The following PARP8 variants were observed in gnomAD, a reference collection of about 807,000 sequenced individuals.
PARP8 encodes poly(ADP-ribose) polymerase family member 8.
PARP8 carries 51 observed loss-of-function variants against 124.1 expected under a neutral mutation model. That is an observed-to-expected ratio of 0.41 (90% CI 0.33 to 0.52). The LOEUF (loss-of-function observed/expected upper bound fraction) is 0.52, where lower values mean the gene tolerates loss of function less well. Ranked by LOEUF, PARP8 falls within the 20% of genes least tolerant of loss-of-function variation. The pLI is 0.21. For missense variants in PARP8, 860 were observed against 1,018.9 expected (o/e 0.84, Z 2.12); for synonymous variants, 391 against 361.5 (o/e 1.08, Z -0.93).
intron 9 of PARP8, among the ~76,000 whole-genome samples, chr5:50,784,090 T>C (rs1411033437): frequency 6.6e-6 from 1 of 152,182 alleles, no homozygotes; most frequent in Non-Finnish European, 1.5e-5. Context: ...TTGGAAGGTA[T>C]CAGCATTTAT....
chr5:50,666,384 T>G (rs1749278484), upstream of PARP8: 1 of 151,686 alleles, frequency 6.6e-6, no homozygotes, highest in Admixed American at 6.6e-5. Context: ...ATAAAAGTGA[T>G]GGGGGGAGGG....
At chr5:50,697,668 C>A (rs1407949502) in intron 2 of PARP8, among the ~76,000 whole-genome samples, 1 of 152,134 alleles carries the variant, frequency 6.6e-6, no homozygotes, top group African/African-American at 2.4e-5. Context: ...TGCCATCATG[C>A]CTGGCTCATT....
At chr5:50,749,583 A>G (rs1189801280) in intron 2 of PARP8, among the ~76,000 whole-genome samples, 1 of 152,132 alleles carries the variant, frequency 6.6e-6, no homozygotes, top group Non-Finnish European at 1.5e-5. Context: ...AAACAACTCA[A>G]TCCTTATGAA....
At chr5:50,707,809 T>G (rs1397853555) in intron 2 of PARP8, among the ~76,000 whole-genome samples, 1 of 152,134 alleles carries the variant, frequency 6.6e-6, no homozygotes, top group Admixed American at 6.6e-5. Flanking sequence ...GAGTCTTATA[T>G]CAACCTTATT....
At chr5:50,742,099 C>T (rs1489290563) in intron 2 of PARP8, 21 of 223,186 alleles carry the variant, frequency 9.4e-5, no homozygotes, top group South Asian at 3.4e-4. Flanking sequence ...CGTGAGCCAC[C>T]GCCCCTGGCC....
At chr5:50,730,728 G>T (rs181952655) in intron 2 of PARP8, among the ~76,000 whole-genome samples, 1 of 152,270 alleles carries the variant, frequency 6.6e-6, no homozygotes, top group East Asian at 1.9e-4. Flanking sequence ...GAAAACCAGA[G>T]ATTATTGAGA....
intron 2 of PARP8, among the ~76,000 whole-genome samples, chr5:50,723,908 C>T (rs1756157564): frequency 6.6e-6 from 1 of 151,980 alleles, no homozygotes; most frequent in African/African-American, 2.4e-5. Context: ...ATTTAGTTTT[C>T]CTTTTAAATA....
chr5:50,840,452 T>A (rs1285782451), intron 25 of PARP8, among the ~76,000 whole-genome samples: 1 of 151,838 alleles, frequency 6.6e-6, no homozygotes, highest in Non-Finnish European at 1.5e-5. Flanking sequence ...TTTGTGTTGC[T>A]GGATGACGGT....
intron 7 of PARP8, among the ~76,000 whole-genome samples, chr5:50,768,696 C>G (rs1208971668): frequency 6.6e-6 from 1 of 152,166 alleles, no homozygotes; most frequent in Non-Finnish European, 1.5e-5. Context: ...AGTCATATTT[C>G]AAGCATTCAA....
At chr5:50,800,072 A>C (rs1481019602) in intron 14 of PARP8, among the ~76,000 whole-genome samples, 1 of 152,176 alleles carries the variant, frequency 6.6e-6, no homozygotes, top group Non-Finnish European at 1.5e-5. Context: ...ATTCATGTAC[A>C]CCAGATCATT....
At chr5:50,809,084 T>C (rs923737347) in intron 14 of PARP8, among the ~76,000 whole-genome samples, 12 of 152,090 alleles carry the variant, frequency 7.9e-5, no homozygotes, top group African/African-American at 2.4e-4. Flanking sequence ...TCTTTAGTTT[T>C]ATGAGACAAA....
At chr5:50,681,284 T>A (rs568592734) in intron 2 of PARP8, among the ~76,000 whole-genome samples, 41 of 152,252 alleles carry the variant, frequency 2.7e-4, no homozygotes, top group African/African-American at 9.4e-4. Flanking sequence ...TCCCAGTATC[T>A]GAAGATTTTT....
chr5:50,678,959 C>T (rs1300934044), intron 2 of PARP8, among the ~76,000 whole-genome samples: 1 of 152,052 alleles, frequency 6.6e-6, no homozygotes, highest in African/African-American at 2.4e-5. Context: ...GTAGGGTGAC[C>T]ATCCTAACTG....
In PARP8 at chr5:50,794,947, A is replaced by C; in HGVS notation, c.958A>C (p.Arg320=). 6.2e-7 allele frequency: 1 copy of C among 1,614,208 alleles called. No individual in the cohort carries two copies. Among genetic ancestry groups the C allele is most frequent in the Non-Finnish European group, 8.5e-7 (1 of 1,180,018 alleles). ...CTCCAAAACGCATAAGCTGCTGCGG[A>C]GGACTTGTTCCAGCACAGTCAAGAC... ...GISKTHKLLR[R]TCSSTVKTDD... The change falls in exon 12 of 26, where the codon AGG becomes CGG. Residue 320 remains arginine (R), a synonymous_variant. Transcript: ENST00000281631.
At chr5:50,792,813 C>A (rs1428871005) in intron 10 of PARP8, among the ~76,000 whole-genome samples, 1 of 151,880 alleles carries the variant, frequency 6.6e-6, no homozygotes, top group African/African-American at 2.4e-5. Context: ...TAAAAGGGCC[C>A]CAAAATAATT....
intron 14 of PARP8, among the ~76,000 whole-genome samples, chr5:50,800,756 AT>A (rs201684004): frequency 0.014 from 1,881 of 137,242 alleles, 17 homozygotes; most frequent in African/African-American, 0.028. Flanking sequence ...TCTGTTTTAG[AT>A]TTTTTTTTTT....
chr5:50,757,174 T>C (rs1424727402), intron 3 of PARP8: 1 of 455,860 alleles, frequency 2.2e-6, no homozygotes, highest in Non-Finnish European at 4.4e-6. Context: ...TTCAAGATCC[T>C]GGTTCCGTTT....
intron 2 of PARP8, chr5:50,742,100 G>A (rs1580168431): frequency 2.7e-5 from 6 of 223,990 alleles, no homozygotes; most frequent in South Asian, 1.9e-4. Flanking sequence ...GTGAGCCACC[G>A]CCCCTGGCCG....
intron 3 of PARP8, among the ~76,000 whole-genome samples, chr5:50,754,047 G>GAAAA (rs1382879082): frequency 1.9e-5 from 2 of 105,440 alleles, no homozygotes; most frequent in Non-Finnish European, 4.0e-5. Context: ...GAGGTTTTCA[G>GAAAA]AAAAAAAAAA....
Sources: allele counts gnomAD v4.1 joint callset (sites outside exome capture counted in the v4.1 genomes callset), GRCh38; gene constraint gnomAD v4.1.1; transcripts MANE v1.5; gene names NCBI Gene and HGNC (gene_info 2026-07-23, HGNC 2026-07-21).